The following PITPNB variants were observed in gnomAD, a reference collection of about 807,000 sequenced individuals.
The protein encoded by PITPNB is phosphatidylinositol transfer protein beta isoform.
Under a neutral mutation model 45.9 loss-of-function variants are expected in PITPNB, and 16 were observed. The ratio of observed to expected loss-of-function variants is 0.35; its 90% CI spans 0.24 to 0.53. The LOEUF (loss-of-function observed/expected upper bound fraction) is 0.53. PITPNB is among the 20% of genes least tolerant of loss of function. The pLI is 0.93. For synonymous variants in PITPNB, 112 were observed against 108.9 expected (o/e 1.03, Z -0.18); for missense variants, 188 against 330.5 (o/e 0.57, Z 3.34).
chr22:27,917,515 C>T (rs1452035752), intron 1 of PITPNB, among the ~76,000 whole-genome samples: 2 of 152,150 alleles, frequency 1.3e-5, no homozygotes, highest in Non-Finnish European at 2.9e-5. Flanking sequence ...ACTGTATAAA[C>T]GACTTGGAAG....
intron 7 of PITPNB, among the ~76,000 whole-genome samples, chr22:27,878,093 A>G (rs1934870887): frequency 6.6e-6 from 1 of 152,260 alleles, no homozygotes; most frequent in African/African-American, 2.4e-5. Flanking sequence ...AAATAGCTCA[A>G]AGATAATCAT....
intron 8 of PITPNB, among the ~76,000 whole-genome samples, chr22:27,873,324 C>T (rs562593168): frequency 6.6e-6 from 1 of 152,260 alleles, no homozygotes; most frequent in South Asian, 2.1e-4. Context: ...TCGTGTCCTG[C>T]TTTCCAAAAA....
intron 7 of PITPNB, among the ~76,000 whole-genome samples, chr22:27,887,281 T>C (rs1935148523): frequency 6.6e-6 from 1 of 152,256 alleles, no homozygotes; most frequent in East Asian, 1.9e-4. Flanking sequence ...GTCATAAAAA[T>C]AGTGTTGAGA....
chr22:27,860,312 T>C (rs1279870042), intron 8 of PITPNB, 71 bp from the exon 9 acceptor site: 8 of 853,160 alleles, frequency 9.4e-6, no homozygotes, highest in Non-Finnish European at 1.5e-5. Flanking sequence ...TTGACTGTTG[T>C]ATAACGACAT....
chr22:27,883,895 CAG>C (rs1329343404), intron 7 of PITPNB, among the ~76,000 whole-genome samples: 1 of 152,118 alleles, frequency 6.6e-6, no homozygotes, highest in Non-Finnish European at 1.5e-5. Context: ...CTGGACTCAG[CAG>C]AGGTGATTCA....
intron 10 of PITPNB, among the ~76,000 whole-genome samples, chr22:27,856,293 G>T (rs1934170239): frequency 6.6e-6 from 1 of 152,162 alleles, no homozygotes; most frequent in Non-Finnish European, 1.5e-5. Flanking sequence ...GCTTTTACTT[G>T]TCTATCTTAC....
At chr22:27,867,441 C>T (rs984375877) in intron 8 of PITPNB, among the ~76,000 whole-genome samples, 1 of 152,132 alleles carries the variant, frequency 6.6e-6, no homozygotes, top group South Asian at 2.1e-4. Context: ...TTTAAAAAGA[C>T]TGAACTAATT....
intron 10 of PITPNB, among the ~76,000 whole-genome samples, chr22:27,855,484 T>C (rs1569001810): frequency 1.3e-5 from 2 of 152,180 alleles, no homozygotes; most frequent in African/African-American, 2.4e-5. Context: ...ACAGATGTAT[T>C]AGAAAGGACA....
Position 27,914,310 on chromosome 22 carries a change from A to G in PITPNB, c.51+7T>C. The G allele has an allele frequency of 6.3e-7, 1 of 1,584,856 alleles. No individual in the cohort carries two copies. Among genetic ancestry groups the G allele is most frequent in the Non-Finnish European group, 8.7e-7 (1 of 1,154,092 alleles). ...AATAAAATGATGCAGAAGCAAGAAAAACTCACCTCCTGAACAGAACATGGC... is the reference window on the plus strand; with the variant it reads ...AATAAAATGATGCAGAAGCAAGAAAGACTCACCTCCTGAACAGAACATGGC... On this transcript the variant is annotated splice_region_variant and intron_variant, in intron 2 of 11. Coordinates refer to ENST00000335272, the MANE Select transcript of PITPNB (RefSeq NM_012399.5).
At chr22:27,913,009 G>A (rs960334839) in intron 2 of PITPNB, among the ~76,000 whole-genome samples, 4 of 150,388 alleles carry the variant, frequency 2.7e-5, no homozygotes, top group African/African-American at 4.9e-5. Context: ...AAAAAGGTGG[G>A]GGGGGGAGTA....
At position 27,853,681 on chromosome 22, in the gene PITPNB, G is replaced by C. The variant is rs1427266612; in HGVS notation, c.*39-18C>G. 2 of 1,538,612 alleles carry C rather than the reference G, an allele frequency of 1.3e-6. No individual in the cohort carries two copies. The highest frequency in any genetic ancestry group is 1.8e-6 in the Non-Finnish European group (2 of 1,135,944). On this transcript the variant is annotated intron_variant, in intron 11 of 11. Transcript: ENST00000335272. Reference sequence around the variant, plus strand: ...TTACGTAACTGTAAGAAAAGTGAAAGACAGTGCAAAATGTGTTAAAATACA... The same window carrying C: ...TTACGTAACTGTAAGAAAAGTGAAACACAGTGCAAAATGTGTTAAAATACA...
chr22:27,914,308 A>G lies in PITPNB; in HGVS notation c.51+9T>C, dbSNP rs1936017421. On this transcript the variant is annotated intron_variant, in intron 2 of 11. Coordinates refer to ENST00000335272, the MANE Select transcript of PITPNB (RefSeq NM_012399.5). Reference sequence around the variant, plus strand: ...CCAATAAAATGATGCAGAAGCAAGAAAAACTCACCTCCTGAACAGAACATG... The same window carrying G: ...CCAATAAAATGATGCAGAAGCAAGAGAAACTCACCTCCTGAACAGAACATG... The G allele has an allele frequency of 1.3e-6, 2 of 1,584,472 alleles. No homozygotes were observed. Among genetic ancestry groups the G allele is most frequent in the Admixed American group, 1.7e-5 (1 of 59,824 alleles).
intron 11 of PITPNB, 150 bp from the exon 12 acceptor site, chr22:27,853,813 A>G: frequency 1.5e-6 from 1 of 654,802 alleles, no homozygotes; most frequent in East Asian, 2.7e-5. Context: ...CATCTGTTCA[A>G]AAAGATTTTG....
intron 6 of PITPNB, 96 bp downstream of exon 6, chr22:27,896,456 C>T (rs1935435573): frequency 7.1e-6 from 6 of 843,512 alleles, no homozygotes; most frequent in Non-Finnish European, 6.0e-6. Context: ...CGGTCAGATA[C>T]ACAGGTGACA....
In PITPNB at chr22:27,919,161, G is replaced by C. The variant is rs1284585454; in HGVS notation, c.20+11C>G. ...TCCCACGGCCTCGCTCGCGCCCACAGACCCACTCACAATTCCTTGATCAGC... is the reference window on the plus strand; with the variant it reads ...TCCCACGGCCTCGCTCGCGCCCACACACCCACTCACAATTCCTTGATCAGC... On this transcript the variant is annotated intron_variant, in intron 1 of 11. Transcript: ENST00000335272. 1 of 1,613,852 alleles carries C rather than the reference G, an allele frequency of 6.2e-7. No individual in the cohort carries two copies. Among genetic ancestry groups the C allele is most frequent in the African/African-American group, 1.3e-5 (1 of 74,926 alleles).
chr22:27,884,943 T>C (rs572098916), intron 7 of PITPNB, among the ~76,000 whole-genome samples: 5 of 151,942 alleles, frequency 3.3e-5, no homozygotes, highest in East Asian at 1.9e-4. Context: ...GTATGTACTA[T>C]AGAGGAAGGC....
intron 7 of PITPNB, chr22:27,894,094 TA>T (rs1448269878): frequency 9.8e-5 from 15 of 152,448 alleles, no homozygotes; most frequent in African/African-American, 3.4e-4. Flanking sequence ...TTCTGGAATC[TA>T]AAAGAACATT....
At chr22:27,883,443 C>T (rs1950618034) in intron 7 of PITPNB, among the ~76,000 whole-genome samples, 1 of 152,192 alleles carries the variant, frequency 6.6e-6, no homozygotes, top group Admixed American at 6.5e-5. Context: ...AGAAGGGTGC[C>T]TATGCTACAA....
At chr22:27,902,084 C>A (rs775409305) in intron 3 of PITPNB, among the ~76,000 whole-genome samples, 18 of 151,880 alleles carry the variant, frequency 1.2e-4, no homozygotes, top group Non-Finnish European at 2.1e-4. Flanking sequence ...CAACAAAATA[C>A]AAAGAGAATT....
Sources: allele counts gnomAD v4.1 joint callset (sites outside exome capture counted in the v4.1 genomes callset), GRCh38; gene constraint gnomAD v4.1.1; transcripts MANE v1.5; gene names NCBI Gene and HGNC (gene_info 2026-07-23, HGNC 2026-07-21).